ADARB2: variants seen among roughly 807,000 people sequenced by gnomAD.
ADARB2 encodes adenosine deaminase RNA specific B2 (inactive), also known as inactive double-stranded RNA-specific editase B2.
A neutral mutation model predicts 62.2 loss-of-function variants in ADARB2; 25 were observed. The ratio of observed to expected loss-of-function variants is 0.40; its 90% CI spans 0.29 to 0.56. ADARB2 has a LOEUF of 0.56. ADARB2 is among the 20% of genes least tolerant of loss of function. The pLI, the probability that ADARB2 is intolerant of heterozygous loss-of-function variation, is 0.43. For missense variants in ADARB2, 1,071 were observed against 1,077.4 expected (o/e 0.99, Z 0.08); for synonymous variants, 572 against 500.8 (o/e 1.14, Z -1.90).
intron 3 of ADARB2, among the ~76,000 whole-genome samples, chr10:1,305,594 A>C (rs1487170333): frequency 2.0e-5 from 3 of 152,162 alleles, no homozygotes; most frequent in Non-Finnish European, 2.9e-5. Flanking sequence ...GCAGAGACAC[A>C]ACCAAAAAAG....
intron 1 of ADARB2, chr10:1,526,770 G>A (rs768872860): frequency 2.1e-6 from 1 of 487,400 alleles, no homozygotes; most frequent in South Asian, 1.5e-5. Context: ...TGAGCCGGAT[G>A]ACATGAAGCA....
intron 1 of ADARB2, among the ~76,000 whole-genome samples, chr10:1,470,193 C>T (rs772715214): frequency 6.6e-5 from 10 of 151,968 alleles, no homozygotes; most frequent in Non-Finnish European, 1.3e-4. Context: ...TAGCCACTTA[C>T]ACACCCATTT....
At chr10:1,507,276 G>C (rs1831864155) in intron 1 of ADARB2, among the ~76,000 whole-genome samples, 1 of 152,236 alleles carries the variant, frequency 6.6e-6, no homozygotes, top group Non-Finnish European at 1.5e-5. Context: ...GGCTGTAGAA[G>C]AGGAGCTCGT....
intron 1 of ADARB2, among the ~76,000 whole-genome samples, chr10:1,384,811 G>A (rs1832512138): frequency 6.6e-6 from 1 of 152,182 alleles, no homozygotes; most frequent in Non-Finnish European, 1.5e-5. Context: ...TGGGGCCACT[G>A]CTGGATTTGG....
intron 3 of ADARB2, among the ~76,000 whole-genome samples, chr10:1,286,602 G>T (rs948455599): frequency 3.9e-5 from 6 of 152,172 alleles, no homozygotes; most frequent in Non-Finnish European, 7.3e-5. Flanking sequence ...GGGATCAGAA[G>T]AACCAGAGTT....
intron 1 of ADARB2, among the ~76,000 whole-genome samples, chr10:1,396,607 C>CATCA (rs1832616290): frequency 1.4e-5 from 2 of 138,208 alleles, no homozygotes; most frequent in Middle Eastern, 3.8e-3. Flanking sequence ...CCTGGGTCAC[C>CATCA]GTCCTCCTCT....
intron 1 of ADARB2, among the ~76,000 whole-genome samples, chr10:1,625,923 G>T (rs905054071): frequency 2.7e-4 from 41 of 149,568 alleles, no homozygotes; most frequent in African/African-American, 8.0e-4. Flanking sequence ...GCTCTCTCCT[G>T]CATGGACACA....
At chr10:1,228,751 A>G (rs888796369) in intron 6 of ADARB2, among the ~76,000 whole-genome samples, 1 of 152,174 alleles carries the variant, frequency 6.6e-6, no homozygotes, top group African/African-American at 2.4e-5. Flanking sequence ...CACCACGAAC[A>G]CTTTTCATTC....
intron 8 of ADARB2, among the ~76,000 whole-genome samples, chr10:1,190,390 G>A (rs1445801772): frequency 6.6e-6 from 1 of 152,220 alleles, no homozygotes; most frequent in Non-Finnish European, 1.5e-5. Flanking sequence ...TGCCTTCGGT[G>A]TATGGCAACA....
chr10:1,314,309 C>T (rs1193923458), intron 3 of ADARB2, among the ~76,000 whole-genome samples: 3 of 152,142 alleles, frequency 2.0e-5, no homozygotes, highest in Admixed American at 6.5e-5. Flanking sequence ...ACCAGCCCTG[C>T]CCACAGCTGG....
chr10:1,256,920 G>T (rs1397340633), intron 4 of ADARB2, among the ~76,000 whole-genome samples: 2 of 152,304 alleles, frequency 1.3e-5, no homozygotes, highest in African/African-American at 4.8e-5. Context: ...ACCGAGGATG[G>T]CTGACAAGGT....
At chr10:1,414,650 T>C (rs1283693491) in intron 1 of ADARB2, among the ~76,000 whole-genome samples, 2 of 152,240 alleles carry the variant, frequency 1.3e-5, no homozygotes, top group Non-Finnish European at 2.9e-5. Context: ...GGATTACCAA[T>C]AAATAGCATG....
intron 7 of ADARB2, among the ~76,000 whole-genome samples, chr10:1,205,741 C>T (rs111514212): frequency 1.3e-3 from 198 of 152,392 alleles, no homozygotes; most frequent in African/African-American, 4.3e-3. Flanking sequence ...CCTCCAGCGC[C>T]AAGAGGAGCG....
intron 1 of ADARB2, among the ~76,000 whole-genome samples, chr10:1,710,682 AG>A (rs1383717320): frequency 6.6e-6 from 1 of 152,210 alleles, no homozygotes; most frequent in Non-Finnish European, 1.5e-5. Flanking sequence ...GACTGCAGAG[AG>A]GCACGAGGAA....
At chr10:1,492,816 G>A (rs1231120774) in intron 1 of ADARB2, among the ~76,000 whole-genome samples, 1 of 152,094 alleles carries the variant, frequency 6.6e-6, no homozygotes, top group Non-Finnish European at 1.5e-5. Flanking sequence ...GGCCAGGAGG[G>A]AGAGCAGGGC....
At chr10:1,595,880 G>A (rs1053902638) in intron 1 of ADARB2, among the ~76,000 whole-genome samples, 1 of 152,210 alleles carries the variant, frequency 6.6e-6, no homozygotes, top group African/African-American at 2.4e-5. Context: ...TGGGGAGAAT[G>A]AGCTCACTTC....
At chr10:1,659,783 A>AGGGGCT (rs1247879779) in intron 1 of ADARB2, among the ~76,000 whole-genome samples, 3 of 150,726 alleles carry the variant, frequency 2.0e-5, no homozygotes, top group African/African-American at 7.3e-5. Context: ...ACTCCGGGGC[A>AGGGGCT]GGGGCTGTCT....
At chr10:1,351,739 C>A (rs1351177126) in intron 3 of ADARB2, among the ~76,000 whole-genome samples, 7 of 152,080 alleles carry the variant, frequency 4.6e-5, no homozygotes. Flanking sequence ...CCACAGCATG[C>A]TTTAAAAGGA....
At chr10:1,583,763 C>G (rs1833136640) in intron 1 of ADARB2, among the ~76,000 whole-genome samples, 1 of 152,018 alleles carries the variant, frequency 6.6e-6, no homozygotes, top group Non-Finnish European at 1.5e-5. Context: ...GGCAAAAGGC[C>G]CAGAGTAGCC....
Sources: allele counts gnomAD v4.1 joint callset (sites outside exome capture counted in the v4.1 genomes callset), GRCh38; gene constraint gnomAD v4.1.1; transcripts MANE v1.5; gene names NCBI Gene and HGNC (gene_info 2026-07-23, HGNC 2026-07-21).